Variants in DNAAF5 observed in about 807,000 individuals in gnomAD.
DNAAF5 encodes HEAT repeat containing 2.
Under a neutral mutation model 75.8 loss-of-function variants are expected in DNAAF5, and 64 were observed. The ratio of observed to expected loss-of-function variants is 0.84; its 90% CI spans 0.69 to 1.04. The LOEUF (loss-of-function observed/expected upper bound fraction) is 1.04. Among genes scored for constraint, DNAAF5 ranks in the 50% least tolerant of loss-of-function variants. The pLI, the probability that DNAAF5 is intolerant of heterozygous loss-of-function variation, is 0.00. For missense variants in DNAAF5, 1,269 were observed against 1,178.5 expected, an observed-to-expected ratio of 1.08 and a Z score of -1.12; for synonymous variants, 657 against 557.2, an observed-to-expected ratio of 1.18 and a Z score of -2.52.
intron 12 of DNAAF5, 99 bp from the exon 13 acceptor site, chr7:785,418 A>C: frequency 7.4e-7 from 1 of 1,343,668 alleles, no homozygotes; most frequent in Non-Finnish European, 1.0e-6. Context: ...AGATGCTTTT[A>C]CAGATGCTTG....
At chr7:767,885 G>C (rs62432860) in intron 8 of DNAAF5, among the ~76,000 whole-genome samples, 118,364 of 150,018 alleles carry the variant, frequency 0.79, 46,813 homozygotes, top group South Asian at 0.86. Context: ...CACATGGTCC[G>C]GTGGAAGTGT....
chr7:732,541 C>T lies in DNAAF5; in HGVS notation c.780+2694C>T, dbSNP rs150605831. 1.8e-3 allele frequency: 814 copies of T among 456,094 alleles called. 8 individuals are homozygous for T. The highest frequency in any genetic ancestry group is 0.015 in the African/African-American group (757 of 50,180). The allele number at this position is 456,094 out of a possible 1,614,324, so 28.3% of individuals were successfully genotyped here. A position where few individuals can be genotyped will look rare whatever the true frequency, so the allele number is the denominator to read the frequency against. ...GTCAAGAGAGACCTTCCGGGAGCAA[C>T]AGATGTTACAGGAGAGACTGGGGAT... On this transcript the variant is annotated intron_variant, in intron 2 of 12. Coordinates refer to ENST00000297440, the MANE Select transcript of DNAAF5 (RefSeq NM_017802.4).
chr7:767,119 G>A (rs1261790657), intron 8 of DNAAF5, among the ~76,000 whole-genome samples: 4 of 151,704 alleles, frequency 2.6e-5, no homozygotes, highest in African/African-American at 9.7e-5. Flanking sequence ...GGCGCTTGTG[G>A]TCCCAGCTAC....
At chr7:739,990 G>A (rs554304635) in intron 2 of DNAAF5, among the ~76,000 whole-genome samples, 1 of 152,306 alleles carries the variant, frequency 6.6e-6, no homozygotes, top group East Asian at 1.9e-4. Flanking sequence ...TGAGGCTCCT[G>A]CTCCCCACGG....
intron 11 of DNAAF5, 140 bp downstream of exon 11, chr7:775,302 C>G (rs575136068): frequency 1.3e-6 from 1 of 779,902 alleles, no homozygotes; most frequent in African/African-American, 1.7e-5. Flanking sequence ...ACCTTTAATT[C>G]CAGCACTTTA....
At chr7:728,553 G>A (rs1781446630) in intron 1 of DNAAF5, among the ~76,000 whole-genome samples, 1 of 152,180 alleles carries the variant, frequency 6.6e-6, no homozygotes, top group Non-Finnish European at 1.5e-5. Context: ...TGGAGCTTGG[G>A]GAAGAACCTT....
intron 2 of DNAAF5, among the ~76,000 whole-genome samples, chr7:735,315 G>A (rs959020014): frequency 1.3e-5 from 2 of 151,958 alleles, no homozygotes; most frequent in Admixed American, 6.6e-5. Flanking sequence ...TGCTCACGGT[G>A]TAGTTCATGG....
intron 10 of DNAAF5, 127 bp from the exon 11 acceptor site, chr7:774,879 A>C (rs151244093): frequency 1.3e-6 from 1 of 773,032 alleles, no homozygotes. Flanking sequence ...TGAAGATTCA[A>C]GCCTACTTTT....
intron 12 of DNAAF5, among the ~76,000 whole-genome samples, chr7:782,865 G>A (rs890512291): frequency 6.6e-6 from 1 of 151,974 alleles, no homozygotes; most frequent in Non-Finnish European, 1.5e-5. Flanking sequence ...CCTTCCTGGC[G>A]TGGCCGCGTC....
intron 8 of DNAAF5, chr7:769,079 G>C (rs1219452416): frequency 2.8e-6 from 2 of 715,396 alleles, no homozygotes; most frequent in Non-Finnish European, 5.1e-6. Context: ...AGAGCAGCGA[G>C]TACATTGCGT....
In DNAAF5 at chr7:756,764, C is replaced by T; in HGVS notation, c.1258-18C>T. On this transcript the variant is annotated intron_variant, in intron 5 of 12. Transcript: ENST00000297440. ...CCTCGGGTTTGGCTCTGAGTTTTCT[C>T]ATGTTTCTTTCTCGCAGTGTACCAG... The T allele has an allele frequency of 6.2e-7, 1 of 1,609,524 alleles. No individual in the cohort carries two copies. The highest frequency in any genetic ancestry group is 8.5e-7 in the Non-Finnish European group (1 of 1,176,816).
In DNAAF5 at chr7:774,056, C is replaced by T. The variant is rs750560099; in HGVS notation, c.1940C>T (p.Pro647Leu). The T allele has an allele frequency of 3.7e-6, 6 of 1,614,080 alleles. No individual in the cohort carries two copies. Among genetic ancestry groups the T allele is most frequent in the Middle Eastern group, 1.6e-4 (1 of 6,062 alleles). The change falls in exon 10 of 13, where the codon CCC becomes CTC. Residue 647 changes from proline (P) to leucine (L), a missense_variant. Pro to Leu is a moderately conservative substitution (Grantham distance 98). Transcript: ENST00000297440. ...CTCCGTTCCGGTTCCAGGCAGTTTC[C>T]CAGCTACCTCGAGACGGTGACAAAG... ...TDTINSQGQFPSYLETVTKDI... is the reference protein window; with the variant it reads ...TDTINSQGQFLSYLETVTKDI...
intron 2 of DNAAF5, among the ~76,000 whole-genome samples, chr7:736,337 C>G (rs1469471553): frequency 6.6e-6 from 1 of 152,190 alleles, no homozygotes; most frequent in Non-Finnish European, 1.5e-5. Context: ...GTGTTGGAGT[C>G]TGTCTCTCTC....
At chr7:783,447 G>A (rs1193018286) in intron 12 of DNAAF5, among the ~76,000 whole-genome samples, 1 of 152,114 alleles carries the variant, frequency 6.6e-6, no homozygotes, top group East Asian at 1.9e-4. Flanking sequence ...CACATGCCTG[G>A]CTTTGACTCA....
chr7:774,010 T>C, intron 9 of DNAAF5, 38 bp from the exon 10 acceptor site: 1 of 1,613,388 alleles, frequency 6.2e-7, no homozygotes, highest in Non-Finnish European at 8.5e-7. Context: ...CGAGCACCTG[T>C]CCGGTCTCCT....
In DNAAF5 at chr7:761,887, G is replaced by T; in HGVS notation, c.1605G>T (p.Leu535=). 1.3e-6 allele frequency: 2 copies of T among 1,573,094 alleles called. No individual in the cohort carries two copies. Among genetic ancestry groups the T allele is most frequent in the South Asian group, 1.2e-5 (1 of 85,626 alleles). ...TIVALAGATG[L]RDKAQETMDS... is the part of the protein sequence containing the mutation. The stretch of plus-strand genomic sequence containing the variant: ...TGGCCCTCGCAGGTGCTACCGGCCT[G>T]AGGGACAAGGTAAGGCTGACAGTGG... The change falls in exon 7 of 13, where the codon CTG becomes CTT. Residue 535 remains leucine, a synonymous_variant. Coordinates refer to ENST00000297440, the MANE Select transcript of DNAAF5 (RefSeq NM_017802.4).
intron 10 of DNAAF5, 73 bp from the exon 11 acceptor site, chr7:774,933 G>A (rs1230406301): frequency 1.2e-5 from 16 of 1,367,504 alleles, no homozygotes; most frequent in African/African-American, 2.9e-5. Flanking sequence ...AGGCAGGAGT[G>A]CACGGATGGT....
chr7:744,106 C>G (rs1782008044), intron 4 of DNAAF5, among the ~76,000 whole-genome samples: 1 of 151,994 alleles, frequency 6.6e-6, no homozygotes, highest in Admixed American at 6.6e-5. Flanking sequence ...CACCCCACAA[C>G]AGTTCTCAGA....
At chr7:770,871 A>G (rs1168521030) in intron 9 of DNAAF5, 1 of 425,790 alleles carries the variant, frequency 2.3e-6, no homozygotes. Flanking sequence ...ACTCTGGGTG[A>G]GGGTTCCCCA....
Sources: allele counts gnomAD v4.1 joint callset (sites outside exome capture counted in the v4.1 genomes callset), GRCh38; gene constraint gnomAD v4.1.1; transcripts MANE v1.5; gene names NCBI Gene and HGNC (gene_info 2026-07-23, HGNC 2026-07-21).